The following CYB5R4 variants were observed in gnomAD, a reference collection of about 807,000 sequenced individuals.
CYB5R4 encodes cytochrome b5 reductase 4, also known as N-terminal cytochrome b5 and cytochrome b5 oxidoreductase domain-containing protein.
In CYB5R4, 55 loss-of-function variants were observed where a neutral mutation model predicts 70.2. That is an observed-to-expected ratio of 0.78 (90% CI 0.63 to 0.98). CYB5R4 has a LOEUF of 0.98. Among genes scored for constraint, CYB5R4 ranks in the 50% least tolerant of loss-of-function variants. The pLI is 0.00. For synonymous variants in CYB5R4, 197 were observed against 199.5 expected (o/e 0.99, Z 0.11); for missense variants, 562 against 612.6 (o/e 0.92, Z 0.87).
intron 2 of CYB5R4, among the ~76,000 whole-genome samples, chr6:83,871,852 G>A (rs988022456): frequency 2.0e-5 from 3 of 150,844 alleles, no homozygotes; most frequent in South Asian, 4.2e-4. Context: ...TTCATTCCTG[G>A]TGTTGCTAAT....
intron 2 of CYB5R4, among the ~76,000 whole-genome samples, chr6:83,883,625 C>G (rs1306073933): frequency 6.6e-6 from 1 of 152,072 alleles, no homozygotes; most frequent in African/African-American, 2.4e-5. Flanking sequence ...AAATTTATTA[C>G]CTGTAGATCT....
intron 3 of CYB5R4, among the ~76,000 whole-genome samples, chr6:83,897,970 G>C (rs532972168): frequency 6.6e-6 from 1 of 152,252 alleles, no homozygotes; most frequent in Admixed American, 6.5e-5. Context: ...CCTTGCCCAT[G>C]CCTATGTCCT....
intron 4 of CYB5R4, chr6:83,910,210 G>T: frequency 7.1e-7 from 1 of 1,403,876 alleles, no homozygotes; most frequent in Non-Finnish European, 9.7e-7. Context: ...CTGCCTGCCA[G>T]TTGGAAGTTC....
At chr6:83,874,143 CCCCTCCCCTCCCT>C (rs2099458133) in intron 2 of CYB5R4, among the ~76,000 whole-genome samples, 3 of 55,400 alleles carry the variant, frequency 5.4e-5, no homozygotes, top group African/African-American at 1.8e-4. Flanking sequence ...CCCCTCCCTT[CCCCTCCCCTCCCT>C]TCCCCTCCCC....
chr6:83,937,164 A>G (rs917740249), intron 12 of CYB5R4, among the ~76,000 whole-genome samples: 36 of 152,032 alleles, frequency 2.4e-4, no homozygotes, highest in African/African-American at 8.7e-4. Context: ...AATCCCAGCT[A>G]CTTGGGAGGC....
chr6:83,957,361 A>G (rs1254385062), intron 15 of CYB5R4, among the ~76,000 whole-genome samples: 1 of 152,080 alleles, frequency 6.6e-6, no homozygotes, highest in Non-Finnish European at 1.5e-5. Flanking sequence ...TGCATTTTTA[A>G]AATTGACCAT....
chr6:83,956,768 G>A (rs2099472491), intron 15 of CYB5R4, among the ~76,000 whole-genome samples: 1 of 152,044 alleles, frequency 6.6e-6, no homozygotes, highest in East Asian at 1.9e-4. Flanking sequence ...TTTCTTCCTT[G>A]TCTCGTAATG....
At position 83,951,619 on chromosome 6, in the gene CYB5R4, CT is replaced by C. The variant is rs373146187; in HGVS notation, c.1347-3673del. On this transcript the variant is annotated intron_variant, in intron 14 of 15. Coordinates refer to ENST00000369681, the MANE Select transcript of CYB5R4 (RefSeq NM_016230.4). ...TCCCTGCAAAGGACATGAACTCATCCTTTTTTATGGCTGCATAGTATTCCCT... is the reference window on the plus strand; with the variant it reads ...TCCCTGCAAAGGACATGAACTCATCCTTTTTATGGCTGCATAGTATTCCCT... Among the ~76,000 whole-genome samples, 879 of 152,250 alleles carry C rather than the reference CT, an allele frequency of 5.8e-3. 6 individuals carry two copies. The highest frequency in any genetic ancestry group is 0.02 in the African/African-American group (847 of 41,542).
chr6:83,929,639 CA>C (rs1452119089), intron 10 of CYB5R4: 4 of 150,450 alleles, frequency 2.7e-5, no homozygotes, highest in African/African-American at 7.4e-5. Context: ...GAGAAAGAGG[CA>C]GGGGGAGAGA....
intron 2 of CYB5R4, among the ~76,000 whole-genome samples, chr6:83,881,797 CT>C (rs1014822249): frequency 6.6e-6 from 1 of 152,198 alleles, no homozygotes; most frequent in Non-Finnish European, 1.5e-5. Flanking sequence ...CAAATGAATG[CT>C]TTTAATTCGG....
intron 2 of CYB5R4, among the ~76,000 whole-genome samples, chr6:83,864,546 A>G (rs1451423412): frequency 6.6e-6 from 1 of 152,254 alleles, no homozygotes; most frequent in Non-Finnish European, 1.5e-5. Context: ...TCTGATACGA[A>G]AAAGTTTTTC....
At chr6:83,950,738 G>C (rs566236664) in intron 14 of CYB5R4, among the ~76,000 whole-genome samples, 1 of 151,692 alleles carries the variant, frequency 6.6e-6, no homozygotes, top group African/African-American at 2.4e-5. Context: ...ATATAGAAAA[G>C]GTATAAGAAA....
intron 1 of CYB5R4, 42 bp downstream of exon 1, chr6:83,859,899 C>G: frequency 1.9e-6 from 3 of 1,559,216 alleles, no homozygotes; most frequent in Non-Finnish European, 2.6e-6. Context: ...CGCTGCGTTT[C>G]GAGCTCTGGC....
At chr6:83,944,034 T>G (rs915612818) in intron 14 of CYB5R4, among the ~76,000 whole-genome samples, 1 of 152,054 alleles carries the variant, frequency 6.6e-6, no homozygotes, top group African/African-American at 2.4e-5. Context: ...CCAAGAGAAC[T>G]TCCCCAACCT....
intron 2 of CYB5R4, among the ~76,000 whole-genome samples, chr6:83,888,368 G>A (rs902034455): frequency 6.6e-6 from 1 of 152,014 alleles, no homozygotes; most frequent in African/African-American, 2.4e-5. Flanking sequence ...TTGAAGATTC[G>A]TGGCAACTCT....
rs970406184 is a variant in CYB5R4, at chr6:83,859,701, T to C, written c.-82T>C. The C allele has an allele frequency of 1.3e-6, 2 of 1,499,928 alleles. No homozygotes were observed. The highest frequency in any genetic ancestry group is 1.4e-5 in the African/African-American group (1 of 72,564). 92.9% of individuals were successfully genotyped at this position (1,499,928 alleles called of 1,614,324 possible). The stretch of plus-strand genomic sequence containing the variant: ...GGAAGTGGGTCGGGGGCTTGGCCTC[T>C]GCCCGGCCACAGAGCCGGAGCTGGA... On this transcript the variant is annotated 5_prime_UTR_variant, in exon 1 of 16. Transcript: ENST00000369681.
At chr6:83,880,282 A>G (rs1384020814) in intron 2 of CYB5R4, among the ~76,000 whole-genome samples, 1 of 152,194 alleles carries the variant, frequency 6.6e-6, no homozygotes. Context: ...TTTTATCTTA[A>G]TGAATCTTTG....
At chr6:83,925,083 T>C (rs2099467068) in intron 10 of CYB5R4, among the ~76,000 whole-genome samples, 1 of 152,160 alleles carries the variant, frequency 6.6e-6, no homozygotes, top group Non-Finnish European at 1.5e-5. Context: ...GAAAAAAGGT[T>C]AATTGGCTCA....
intron 3 of CYB5R4, among the ~76,000 whole-genome samples, chr6:83,905,221 AT>A (rs1588571290): frequency 6.6e-6 from 1 of 151,934 alleles, no homozygotes; most frequent in East Asian, 1.9e-4. Flanking sequence ...CACCTGGCTA[AT>A]TTTTTTGTAT....
Sources: allele counts gnomAD v4.1 joint callset (sites outside exome capture counted in the v4.1 genomes callset), GRCh38; gene constraint gnomAD v4.1.1; transcripts MANE v1.5; gene names NCBI Gene and HGNC (gene_info 2026-07-23, HGNC 2026-07-21).